Variants in PDE4D observed in about 807,000 individuals in gnomAD.
The protein encoded by PDE4D is 3',5'-cyclic-AMP phosphodiesterase 4D.
Under a neutral mutation model 87.4 loss-of-function variants are expected in PDE4D, and 24 were observed. The ratio of observed to expected loss-of-function variants is 0.27; its 90% CI spans 0.20 to 0.39. The LOEUF (loss-of-function observed/expected upper bound fraction) is 0.39, where lower values mean the gene tolerates loss of function less well. Ranked by LOEUF, PDE4D falls within the 10% of genes least tolerant of loss-of-function variation. The probability of loss-of-function intolerance (pLI) is 1.00; values close to 1 mark genes in which losing one functional copy is unlikely to be tolerated. For synonymous variants in PDE4D, 384 were observed against 383.2 expected (o/e 1.00, Z -0.02); for missense variants, 714 against 1,041.0 (o/e 0.69, Z 4.32).
intron 1 of PDE4D, among the ~76,000 whole-genome samples, chr5:59,326,440 C>T (rs374229293): frequency 6.6e-6 from 1 of 151,624 alleles, no homozygotes; most frequent in Non-Finnish European, 1.5e-5. Flanking sequence ...AGTAGCCCCC[C>T]CCAAGACACA....
At chr5:59,169,685 AAGAC>A (rs1357363046) in intron 5 of PDE4D, among the ~76,000 whole-genome samples, 2 of 152,156 alleles carry the variant, frequency 1.3e-5, no homozygotes, top group Non-Finnish European at 2.9e-5. Context: ...ACTTTCCAGA[AAGAC>A]AGGTATTTTC....
intron 1 of PDE4D, among the ~76,000 whole-genome samples, chr5:59,811,506 T>C (rs2152679123): frequency 6.6e-6 from 1 of 152,366 alleles, no homozygotes; most frequent in Admixed American, 6.5e-5. Context: ...TCAAACTCCC[T>C]GACCTGGCTG....
At chr5:59,499,761 T>C (rs1276283841) in intron 1 of PDE4D, among the ~76,000 whole-genome samples, 1 of 151,630 alleles carries the variant, frequency 6.6e-6, no homozygotes, top group Non-Finnish European at 1.5e-5. Flanking sequence ...TAACAAGTAA[T>C]GAAATTGAAT....
intron 1 of PDE4D, among the ~76,000 whole-genome samples, chr5:59,374,074 C>T (rs1479510304): frequency 6.6e-6 from 1 of 152,096 alleles, no homozygotes; most frequent in African/African-American, 2.4e-5. Flanking sequence ...TACAAAAACA[C>T]ACTGAAGTGT....
At chr5:59,143,785 AT>A (rs1410686610) in intron 5 of PDE4D, among the ~76,000 whole-genome samples, 1 of 152,228 alleles carries the variant, frequency 6.6e-6, no homozygotes, top group Non-Finnish European at 1.5e-5. Context: ...TTCAAATGTC[AT>A]TTTGTAACAA....
In PDE4D at chr5:58,975,683, G is replaced by A; in HGVS notation, c.1987C>T (p.His663Tyr). 1 of 1,609,918 alleles carries A rather than the reference G, an allele frequency of 6.2e-7. No individual in the cohort carries two copies. The highest frequency in any genetic ancestry group is 1.1e-5 in the South Asian group (1 of 90,376). The change falls in exon 14 of 15, where the codon CAC becomes TAC. Residue 663 changes from histidine to tyrosine, a missense_variant. By Grantham distance (83) the His-to-Tyr change is moderately conservative. This residue lies in a region of PDE4D where 97 missense variants were observed against 176.9 expected (regional missense o/e 0.55). Coordinates refer to ENST00000340635, the MANE Select transcript of PDE4D (RefSeq NM_001104631.2). The surrounding 1 kb of genome is among the most constrained non-coding windows in gnomAD (Gnocchi z 4.2). ...GMEISPMCDK[H>Y]NASVEKSQVG... The stretch of plus-strand genomic sequence containing the variant: ...TGTGATTTTTCCACGGAAGCATTGT[G>A]CTTGTCACACATGGGGCTTATCTCC...
At chr5:60,003,707 T>TAAAAA (rs35100447) in intron 2 of PDE4D, among the ~76,000 whole-genome samples, 2 of 104,288 alleles carry the variant, frequency 1.9e-5, no homozygotes, top group African/African-American at 3.5e-5. Context: ...AGACTCCATC[T>TAAAAA]AAAAAAAAAA....
In PDE4D at chr5:59,893,387, G is replaced by A; in HGVS notation, c.236C>T (p.Pro79Leu). The A allele has an allele frequency of 8.3e-7, 1 of 1,210,386 alleles. No individual in the cohort carries two copies. 75.0% of individuals were successfully genotyped at this position (1,210,386 alleles called of 1,614,324 possible). ...PQCPLQPPPP[P>L]PLPPPPPPPG... ...CGGCGGCGGGGGCGGCGGCAGGGGG[G>A]GCGGCGGCGGCGGCTGTAGCGGACA... Residue 79 changes from proline (P) to leucine (L), a missense_variant, in exon 1 of 15, where the codon CCC (proline) becomes CTC (leucine). Pro to Leu is a moderately conservative substitution (Grantham distance 98, BLOSUM62 -3). Around this residue, in one of 7 missense-constraint regions of PDE4D, gnomAD observed 268 missense variants for 272.9 expected, o/e 0.98. Coordinates refer to ENST00000340635, the MANE Select transcript of PDE4D (RefSeq NM_001104631.2).
At chr5:60,483,619 C>T (rs1187045811) in intron 1 of PDE4D, among the ~76,000 whole-genome samples, 1 of 152,082 alleles carries the variant, frequency 6.6e-6, no homozygotes, top group Non-Finnish European at 1.5e-5. Context: ...CATTATTTCA[C>T]TATAGTTTTA....
chr5:60,460,138 T>C, intron 1 of PDE4D: 1 of 1,600,546 alleles, frequency 6.2e-7, no homozygotes, highest in South Asian at 1.1e-5. Context: ...ATGCTGCCTC[T>C]TCCTGCTGGC....
At position 60,284,115 on chromosome 5, in the gene PDE4D, C is replaced by A. The variant is rs116696924; in HGVS notation, c.-89-98428G>T. Among the ~76,000 whole-genome samples the A allele has an allele frequency of 3.7e-3, 565 of 152,156 alleles. 5 individuals carry two copies. Among genetic ancestry groups the A allele is most frequent in the African/African-American group, 0.013 (539 of 41,518 alleles). On this transcript the variant is annotated intron_variant, in intron 1 of 16. Coordinates refer to the PDE4D transcript ENST00000502484. ...ACAAATTTCTGTTAAAATTGTCATG[C>A]AAAATAACTAAATAGTACACTTTGG... is the stretch of plus-strand genomic sequence containing the variant.
chr5:60,381,527 G>A (rs1276126882), intron 1 of PDE4D, among the ~76,000 whole-genome samples: 1 of 152,162 alleles, frequency 6.6e-6, no homozygotes, highest in Non-Finnish European at 1.5e-5. Flanking sequence ...GGGAACCCCT[G>A]ATACAGTAGT....
chr5:59,398,415 G>A (rs1429262868), intron 1 of PDE4D, among the ~76,000 whole-genome samples: 1 of 144,582 alleles, frequency 6.9e-6, no homozygotes, highest in African/African-American at 2.6e-5. Flanking sequence ...GGGATGCAAG[G>A]CTGGTTCAAT....
chr5:59,736,817 C>T (rs1389666070), intron 1 of PDE4D, among the ~76,000 whole-genome samples: 1 of 152,024 alleles, frequency 6.6e-6, no homozygotes, highest in Non-Finnish European at 1.5e-5. Flanking sequence ...CCAGTAAACA[C>T]CTGGAAACAT....
intron 1 of PDE4D, among the ~76,000 whole-genome samples, chr5:60,418,474 T>C (rs2150082311): frequency 6.6e-6 from 1 of 152,168 alleles, no homozygotes; most frequent in African/African-American, 2.4e-5. Flanking sequence ...TTTATATAAA[T>C]CGCTGCTGCT....
At chr5:59,417,481 T>C (rs1201000286) in intron 1 of PDE4D, among the ~76,000 whole-genome samples, 1 of 151,128 alleles carries the variant, frequency 6.6e-6, no homozygotes, top group Non-Finnish European at 1.5e-5. Context: ...ACAAAACAAC[T>C]GTACACCTAT....
intron 2 of PDE4D, among the ~76,000 whole-genome samples, chr5:60,114,145 T>A (rs576025654): frequency 6.6e-6 from 1 of 152,264 alleles, no homozygotes; most frequent in Admixed American, 6.5e-5. Flanking sequence ...ATTTTCATAG[T>A]AACTAGTAGT....
At chr5:60,115,168 G>A (rs1441930189) in intron 2 of PDE4D, among the ~76,000 whole-genome samples, 1 of 152,064 alleles carries the variant, frequency 6.6e-6, no homozygotes, top group Admixed American at 6.6e-5. Context: ...TTCTTGTGTG[G>A]GGTACACTGT....
intron 1 of PDE4D, among the ~76,000 whole-genome samples, chr5:59,884,403 T>C (rs1749876976): frequency 6.6e-6 from 1 of 151,982 alleles, no homozygotes; most frequent in Non-Finnish European, 1.5e-5. Context: ...GAAAACACAC[T>C]GGTAAATGAT....
Sources: allele counts gnomAD v4.1 joint callset (sites outside exome capture counted in the v4.1 genomes callset), GRCh38; gene constraint gnomAD v4.1.1; regional missense constraint gnomAD v4.1.1; non-coding constraint Gnocchi (gnomAD v3.1); transcripts MANE v1.5; gene names NCBI Gene and HGNC (gene_info 2026-07-23, HGNC 2026-07-21).